CORO2A: variants seen among roughly 807,000 people sequenced by gnomAD.
CORO2A encodes coronin-2A.
In CORO2A, 47 loss-of-function variants were observed where a neutral mutation model predicts 62.4. The ratio of observed to expected loss-of-function variants is 0.75; its 90% CI spans 0.60 to 0.96. The LOEUF (loss-of-function observed/expected upper bound fraction) is 0.96, where lower values mean the gene tolerates loss of function less well. Among genes scored for constraint, CORO2A ranks in the 40% least tolerant of loss-of-function variants. The probability of loss-of-function intolerance (pLI) is 0.00; values close to 1 mark genes in which losing one functional copy is unlikely to be tolerated. For missense variants in CORO2A, 610 were observed against 684.1 expected (o/e 0.89, Z 1.21); for synonymous variants, 273 against 268.9 (o/e 1.02, Z -0.15).
chr9:98,144,184 G>A (rs1180991078), intron 2 of CORO2A, among the ~76,000 whole-genome samples: 1 of 137,938 alleles, frequency 7.2e-6, no homozygotes, highest in Non-Finnish European at 1.5e-5. Context: ...GTGAGATCCT[G>A]TTTCGAAGAA....
chr9:98,165,946 T>C (rs1235605913), intron 1 of CORO2A, among the ~76,000 whole-genome samples: 1 of 152,206 alleles, frequency 6.6e-6, no homozygotes, highest in Non-Finnish European at 1.5e-5. Context: ...AGTGGTGTAA[T>C]GGATGGGTTG....
chr9:98,133,350 C>A, intron 4 of CORO2A, 133 bp from the exon 5 acceptor site: 2 of 815,452 alleles, frequency 2.5e-6, no homozygotes, highest in Non-Finnish European at 3.8e-6. Context: ...GGCCAAGAAG[C>A]CTCAGTGGGA....
chr9:98,168,386 G>A (rs964668925), intron 1 of CORO2A, among the ~76,000 whole-genome samples: 1 of 152,278 alleles, frequency 6.6e-6, no homozygotes, highest in Non-Finnish European at 1.5e-5. Flanking sequence ...ACTAGCTAAC[G>A]CCTATATTAC....
chr9:98,175,804 C>T (rs952176647), intron 1 of CORO2A, among the ~76,000 whole-genome samples: 2 of 152,228 alleles, frequency 1.3e-5, no homozygotes, highest in East Asian at 3.8e-4. Flanking sequence ...TGGGTTTTCT[C>T]ATCCATAAAA....
chr9:98,154,467 C>T (rs1403519415), intron 2 of CORO2A, among the ~76,000 whole-genome samples: 4 of 151,162 alleles, frequency 2.6e-5, no homozygotes, highest in African/African-American at 7.3e-5. Flanking sequence ...AAATAAATTA[C>T]CCATAATTGC....
At chr9:98,147,828 C>A (rs567068290) in intron 2 of CORO2A, among the ~76,000 whole-genome samples, 5 of 152,310 alleles carry the variant, frequency 3.3e-5, no homozygotes, top group Non-Finnish European at 7.3e-5. Flanking sequence ...AAAATATGTA[C>A]ACAAATGTTT....
At position 98,122,021 on chromosome 9, in the gene CORO2A, G is replaced by A. The variant is rs1052982929; in HGVS notation, c.*2753C>T. Reference sequence around the variant, plus strand: ...TCCGGCCTGTGCAGACATACAAGCAGAATAAACCACAGCTGGGTAAGGGGC... The same window carrying A: ...TCCGGCCTGTGCAGACATACAAGCAAAATAAACCACAGCTGGGTAAGGGGC... On this transcript the variant is annotated 3_prime_UTR_variant, in exon 12 of 12. Transcript: ENST00000375077. 3.3e-5 allele frequency: 5 copies of A among 152,108 alleles called. No individual in the cohort carries two copies. The highest frequency in any genetic ancestry group is 1.2e-4 in the African/African-American group (5 of 41,406). The allele number at this position is 152,108 out of a possible 1,614,324, so 9.4% of individuals were successfully genotyped here.
chr9:98,121,692 A>G lies in CORO2A; in HGVS notation c.*3082T>C, dbSNP rs1435501921. On this transcript the variant is annotated 3_prime_UTR_variant, in exon 12 of 12. Transcript: ENST00000375077. ...CCGCTTGGCAGTCAATGACCTTGGC[A>G]TGATGTTTCTTCACTTCTCTGAGGC... 5 of 152,250 alleles carry G rather than the reference A, an allele frequency of 3.3e-5. No homozygotes were observed. Among genetic ancestry groups the G allele is most frequent in the Non-Finnish European group, 7.3e-5 (5 of 68,084 alleles). 9.4% of individuals were successfully genotyped at this position (152,250 alleles called of 1,614,324 possible).
intron 4 of CORO2A, among the ~76,000 whole-genome samples, chr9:98,133,805 G>A (rs1461139223): frequency 6.6e-6 from 1 of 152,222 alleles, no homozygotes; most frequent in Non-Finnish European, 1.5e-5. Flanking sequence ...CCAGGCTGCA[G>A]TACAGTGGCA....
intron 1 of CORO2A, among the ~76,000 whole-genome samples, chr9:98,186,380 C>T (rs928814755): frequency 6.6e-6 from 1 of 152,094 alleles, no homozygotes; most frequent in Non-Finnish European, 1.5e-5. Context: ...GGTGATTAAG[C>T]CCTGGACACT....
At chr9:98,177,635 T>G (rs528298876) in intron 1 of CORO2A, among the ~76,000 whole-genome samples, 131 of 151,526 alleles carry the variant, frequency 8.6e-4, no homozygotes, top group African/African-American at 3.0e-3. Context: ...CCCGGCAAAT[T>G]TTTTTGTATT....
intron 1 of CORO2A, among the ~76,000 whole-genome samples, chr9:98,181,326 C>T (rs1463359243): frequency 6.7e-6 from 1 of 149,818 alleles, no homozygotes. Context: ...AATCATCTCT[C>T]TCTCTTGCTT....
intron 6 of CORO2A, among the ~76,000 whole-genome samples, chr9:98,131,662 CCCTA>C (rs1483460789): frequency 2.0e-5 from 3 of 152,116 alleles, no homozygotes; most frequent in African/African-American, 4.8e-5. Flanking sequence ...TCCAATCTTC[CCCTA>C]CCTGTTTTTT....
intron 8 of CORO2A, 42 bp from the exon 9 acceptor site, chr9:98,128,761 G>A (rs1035406194): frequency 6.4e-7 from 1 of 1,561,162 alleles, no homozygotes; most frequent in South Asian, 1.1e-5. Context: ...TGGCTAGGCT[G>A]GGGCCACAGT....
chr9:98,144,082 G>A (rs936644226), intron 2 of CORO2A, among the ~76,000 whole-genome samples: 5 of 151,900 alleles, frequency 3.3e-5, no homozygotes, highest in Admixed American at 6.6e-5. Flanking sequence ...CCAGCTACTC[G>A]GGAGGCTGAG....
At chr9:98,168,392 A>G (rs1827989797) in intron 1 of CORO2A, among the ~76,000 whole-genome samples, 1 of 152,242 alleles carries the variant, frequency 6.6e-6, no homozygotes, top group Admixed American at 6.5e-5. Flanking sequence ...TAACGCCTAT[A>G]TTACTGACTA....
Position 98,158,078 on chromosome 9 carries a change from C to G in CORO2A, c.1-418G>C, listed in dbSNP as rs77288058. ...GCCTGGGTTTCAATCCCAGCTCTGT[C>G]TCTTATCAGCTGGATGGCAAGTGAC... On this transcript the variant is annotated intron_variant, in intron 1 of 11. Transcript: ENST00000375077. 9.8e-4 allele frequency among the ~76,000 whole-genome samples: 150 copies of G among 152,302 alleles called. 1 individual carries two copies. Among genetic ancestry groups the G allele is most frequent in the African/African-American group, 3.3e-3 (139 of 41,576 alleles).
At chr9:98,130,903 T>C in intron 7 of CORO2A, 52 bp downstream of exon 7, 2 of 1,462,704 alleles carry the variant, frequency 1.4e-6, no homozygotes, top group Admixed American at 1.8e-5. Flanking sequence ...GGCTGCTGTC[T>C]GCCGCTGTCT....
intron 6 of CORO2A, 145 bp from the exon 7 acceptor site, chr9:98,131,204 C>CG (rs1421905952): frequency 2.3e-5 from 14 of 606,534 alleles, no homozygotes; most frequent in Non-Finnish European, 3.6e-5. Context: ...TATGTGTGTG[C>CG]GGGGGGAAGA....
Sources: allele counts gnomAD v4.1 joint callset (sites outside exome capture counted in the v4.1 genomes callset), GRCh38; gene constraint gnomAD v4.1.1; transcripts MANE v1.5; gene names NCBI Gene and HGNC (gene_info 2026-07-23, HGNC 2026-07-21).